RBFOX1: variants seen among roughly 807,000 people sequenced by gnomAD.
RBFOX1 encodes RNA binding fox-1 homolog 1.
A neutral mutation model predicts 57.7 loss-of-function variants in RBFOX1; 8 were observed. The ratio of observed to expected loss-of-function variants is 0.14; its 90% CI spans 0.08 to 0.25. The LOEUF (loss-of-function observed/expected upper bound fraction) is 0.25. Ranked by LOEUF, RBFOX1 falls within the 10% of genes least tolerant of loss-of-function variation. The pLI is 1.00. For missense variants in RBFOX1, 611 were observed against 548.5 expected (o/e 1.11, Z -1.14); for synonymous variants, 326 against 222.4 (o/e 1.47, Z -4.15).
At chr16:6,397,813 CTG>C (rs2092903568) in intron 2 of RBFOX1, among the ~76,000 whole-genome samples, 1 of 152,086 alleles carries the variant, frequency 6.6e-6, no homozygotes, top group South Asian at 2.1e-4. Context: ...GCTGAGTAGA[CTG>C]TGCTGTGTTA....
chr16:7,374,501 C>A (rs2097647415), intron 4 of RBFOX1, among the ~76,000 whole-genome samples: 1 of 152,090 alleles, frequency 6.6e-6, no homozygotes, highest in African/African-American at 2.4e-5. Context: ...AGCCTTAAGC[C>A]AATATGTATA....
At chr16:5,996,733 G>T (rs1467067144) in intron 4 of RBFOX1, among the ~76,000 whole-genome samples, 3 of 152,078 alleles carry the variant, frequency 2.0e-5, no homozygotes, top group Non-Finnish European at 4.4e-5. Context: ...GACGGTCACA[G>T]ACAGCTCACA....
intron 3 of RBFOX1, among the ~76,000 whole-genome samples, chr16:6,813,994 C>G (rs773144242): frequency 2.6e-5 from 4 of 151,986 alleles, no homozygotes; most frequent in Non-Finnish European, 4.4e-5. Context: ...CTGGCAATAT[C>G]TGAGGACCGG....
At chr16:5,716,914 A>C (rs961047523) in intron 3 of RBFOX1, among the ~76,000 whole-genome samples, 3 of 152,178 alleles carry the variant, frequency 2.0e-5, no homozygotes, top group African/African-American at 7.2e-5. Flanking sequence ...CCTGCCTCCC[A>C]GCACCGGAGC....
chr16:5,472,305 C>T (rs1162119088), intron 2 of RBFOX1, among the ~76,000 whole-genome samples: 1 of 152,096 alleles, frequency 6.6e-6, no homozygotes, highest in African/African-American at 2.4e-5. Context: ...CTACTGTGTT[C>T]CAGGCACCTT....
At chr16:5,436,542 C>T (rs895247814) in intron 1 of RBFOX1, among the ~76,000 whole-genome samples, 24 of 152,228 alleles carry the variant, frequency 1.6e-4, no homozygotes, top group African/African-American at 5.8e-4. Flanking sequence ...TTTGAAATGC[C>T]AGAAGAAAAT....
chr16:7,182,408 A>G (rs919968430), intron 4 of RBFOX1, among the ~76,000 whole-genome samples: 1 of 152,188 alleles, frequency 6.6e-6, no homozygotes, highest in Non-Finnish European at 1.5e-5. Flanking sequence ...AGCCTGATGA[A>G]TTCGTTCATG....
chr16:5,586,857 T>A (rs893188577), intron 2 of RBFOX1, among the ~76,000 whole-genome samples: 8 of 152,164 alleles, frequency 5.3e-5, no homozygotes, highest in Non-Finnish European at 1.5e-5. Flanking sequence ...TTGATGAGGT[T>A]TGGACCAGGA....
intron 4 of RBFOX1, among the ~76,000 whole-genome samples, chr16:5,931,562 G>T (rs1488617974): frequency 6.6e-6 from 1 of 152,150 alleles, no homozygotes; most frequent in Non-Finnish European, 1.5e-5. Context: ...TAGGCAGATA[G>T]GTAAGTCTTT....
chr16:6,737,343 C>T (rs924919400), intron 3 of RBFOX1, among the ~76,000 whole-genome samples: 3 of 148,048 alleles, frequency 2.0e-5, no homozygotes, highest in African/African-American at 7.3e-5. Flanking sequence ...TATAAAAATG[C>T]ATCAGTTTTA....
intron 2 of RBFOX1, among the ~76,000 whole-genome samples, chr16:6,565,728 A>G (rs2153935458): frequency 6.6e-6 from 1 of 152,328 alleles, no homozygotes; most frequent in Middle Eastern, 3.4e-3. Context: ...TTGGCTTTCC[A>G]AAGTGCTGGG....
rs532130865 is a variant in RBFOX1, at chr16:5,998,986, A to G, written c.351+131651A>G. ...TCCCAGTCCAAAAAAATCTATGTGG[A>G]TGAACTGTTATGGGAAACATTTATC... On this transcript the variant is annotated intron_variant, in intron 4 of 19. Transcript: ENST00000641259. Among the ~76,000 whole-genome samples the G allele has an allele frequency of 4.6e-5, 7 of 152,294 alleles. No homozygotes were observed. The East Asian group carries it at 1.4e-3, about 29-fold the overall frequency.
rs537624880 is a variant in RBFOX1, at chr16:6,520,159, T to C, written c.-63-134444T>C. 2.0e-5 allele frequency among the ~76,000 whole-genome samples: 3 copies of C among 152,330 alleles called. No individual in the cohort carries two copies. The South Asian group carries it at 6.2e-4, about 32-fold the overall frequency. ...TGGCCATCCTTTGCAACTTGGAGTA[T>C]GCAAACAACATTTCTTCTCTAAATT... On this transcript the variant is annotated intron_variant, in intron 2 of 15. Coordinates refer to ENST00000550418, the MANE Select transcript of RBFOX1 (RefSeq NM_018723.4).
intron 1 of RBFOX1, among the ~76,000 whole-genome samples, chr16:5,352,892 A>G (rs1052269425): frequency 2.6e-5 from 4 of 152,188 alleles, no homozygotes; most frequent in Admixed American, 2.0e-4. Flanking sequence ...GCAGTCAGCT[A>G]TGATTGTGCC....
At chr16:5,340,727 G>A (rs533391081) in intron 1 of RBFOX1, among the ~76,000 whole-genome samples, 1 of 152,328 alleles carries the variant, frequency 6.6e-6, no homozygotes, top group South Asian at 2.1e-4. Context: ...CATTTATAGA[G>A]TGTTTGCCAT....
intron 3 of RBFOX1, among the ~76,000 whole-genome samples, chr16:7,020,387 T>A (rs1246656542): frequency 1.3e-5 from 2 of 151,978 alleles, no homozygotes; most frequent in Non-Finnish European, 2.9e-5. Context: ...GCCCAGCTAC[T>A]TTTTTGTAGT....
At chr16:6,512,356 G>C (rs1395490820) in intron 2 of RBFOX1, among the ~76,000 whole-genome samples, 1 of 148,540 alleles carries the variant, frequency 6.7e-6, no homozygotes, top group Non-Finnish European at 1.5e-5. Context: ...ATTATCATTA[G>C]ATTAATAAAA....
chr16:6,242,125 A>T (rs958297376), intron 1 of RBFOX1, among the ~76,000 whole-genome samples: 1 of 152,194 alleles, frequency 6.6e-6, no homozygotes, highest in Non-Finnish European at 1.5e-5. Flanking sequence ...ATTTCCATTC[A>T]TGTATAAGTC....
At chr16:6,612,015 T>C (rs2098065361) in intron 2 of RBFOX1, among the ~76,000 whole-genome samples, 1 of 152,178 alleles carries the variant, frequency 6.6e-6, no homozygotes. Context: ...ATGAAAAAAT[T>C]CCTTTTGGTT....
Sources: gnomAD v4.1 joint callset for allele counts (sites outside exome capture counted in the v4.1 genomes callset) on GRCh38, gnomAD v4.1.1 for gene constraint, MANE v1.5 for transcripts, NCBI Gene and HGNC (gene_info 2026-07-23, HGNC 2026-07-21) for gene names.